The following CHD1L variants were observed in gnomAD, a reference collection of about 807,000 sequenced individuals.
CHD1L encodes chromodomain helicase DNA binding protein 1 like.
In CHD1L, 118 loss-of-function variants were observed where a neutral mutation model predicts 115.9. The ratio of observed to expected loss-of-function variants is 1.02; its 90% CI spans 0.88 to 1.19. The LOEUF is 1.19. Ranked by LOEUF, CHD1L falls within the 50% of genes most tolerant of loss-of-function variation. The pLI, the probability that CHD1L is intolerant of heterozygous loss-of-function variation, is 0.00. For synonymous variants in CHD1L, 411 were observed against 387.1 expected (o/e 1.06, Z -0.72); for missense variants, 1,179 against 1,065.3 (o/e 1.11, Z -1.49).
the CHD1L span, among the ~76,000 whole-genome samples, chr1:147,205,598 C>T: frequency 6.6e-6 from 1 of 152,146 alleles, no homozygotes. Flanking sequence ...ACAGAGCCCT[C>T]AGAAATAATA....
At chr1:147,236,080 G>A in the CHD1L span, among the ~76,000 whole-genome samples, 3 of 152,184 alleles carry the variant, frequency 2.0e-5, no homozygotes, top group African/African-American at 7.2e-5. Context: ...CATGCCAGCT[G>A]TGGCAAGGCA....
the CHD1L span, chr1:147,211,132 C>A: frequency 6.6e-6 from 1 of 152,132 alleles, no homozygotes; most frequent in Admixed American, 6.5e-5. Flanking sequence ...TGCATTTTCC[C>A]AGGCTTTCTC....
chr1:147,286,177 G>T, intron 17 of CHD1L, 121 bp from the exon 18 acceptor site: 1 of 925,432 alleles, frequency 1.1e-6, no homozygotes, highest in Non-Finnish European at 1.6e-6. Context: ...CTTCAATCAG[G>T]GTGAGTTTCT....
chr1:147,291,586 G>C (rs1685547748), intron 20 of CHD1L, 34 bp downstream of exon 20: 1 of 1,558,974 alleles, frequency 6.4e-7, no homozygotes, highest in African/African-American at 1.4e-5. Flanking sequence ...AGAACTACAA[G>C]TGGACTCACA....
the CHD1L span, chr1:147,175,027 T>A: frequency 2.0e-5 from 3 of 152,120 alleles, no homozygotes; most frequent in African/African-American, 7.2e-5. Flanking sequence ...GAATGAAGGA[T>A]TGATTTTACA....
At chr1:147,197,770 G>C in the CHD1L span, among the ~76,000 whole-genome samples, 1 of 152,170 alleles carries the variant, frequency 6.6e-6, no homozygotes, top group Non-Finnish European at 1.5e-5. Context: ...AGCAGCATGA[G>C]AATGGGCTAA....
At chr1:147,256,439 C>G in intron 4 of CHD1L, 92 bp from the exon 5 acceptor site, 1 of 1,122,810 alleles carries the variant, frequency 8.9e-7, no homozygotes, top group Non-Finnish European at 1.3e-6. Context: ...TTAGATAAAT[C>G]CTATAGTTTA....
At chr1:147,265,691 T>TGCA (rs1426042668) in intron 7 of CHD1L, among the ~76,000 whole-genome samples, 5 of 152,152 alleles carry the variant, frequency 3.3e-5, no homozygotes, top group Non-Finnish European at 7.3e-5. Context: ...AACAGCTTTG[T>TGCA]GCAAATGAGA....
rs1683723539 is a variant in CHD1L, at chr1:147,287,638, A to G, written c.2225A>G (p.Asp742Gly). The change falls in exon 19 of 23, where the codon GAC (aspartate) becomes GGC (glycine). Residue 742 changes from aspartate to glycine, a missense_variant. By Grantham distance (94) the Asp-to-Gly change is moderately conservative. Transcript: ENST00000369258. ...EDALIVHCVD[D>G]SGHWGRGGLF... Reference sequence around the variant, plus strand: ...AATTTTCTCTTTCTTCAAACAGATGACTCTGGCCACTGGGGCAGAGGTGGT... The same window carrying G: ...AATTTTCTCTTTCTTCAAACAGATGGCTCTGGCCACTGGGGCAGAGGTGGT... 1.2e-6 allele frequency: 2 copies of G among 1,613,080 alleles called. No homozygotes were observed. Among genetic ancestry groups the G allele is most frequent in the African/African-American group, 1.3e-5 (1 of 74,806 alleles).
chr1:147,260,145 C>G (rs1671442102), intron 6 of CHD1L: 1 of 391,418 alleles, frequency 2.6e-6, no homozygotes, highest in Admixed American at 3.8e-5. Context: ...ACTGATGAAC[C>G]TACATTGATA....
chr1:147,255,723 A>G (rs782578839), intron 3 of CHD1L, 90 bp from the exon 4 acceptor site: 48 of 856,116 alleles, frequency 5.6e-5, no homozygotes, highest in Non-Finnish European at 7.7e-5. Context: ...GTACATTGCA[A>G]TCCTCCCATG....
chr1:147,224,606 T>C, the CHD1L span, among the ~76,000 whole-genome samples: 1 of 151,938 alleles, frequency 6.6e-6, no homozygotes, highest in African/African-American at 2.4e-5. Flanking sequence ...GCCTCCCAAG[T>C]TCACCCCATC....
chr1:147,187,081 C>T, the CHD1L span: 99 of 1,614,060 alleles, frequency 6.1e-5, no homozygotes, highest in East Asian at 6.7e-4. Flanking sequence ...GCCCTGTACA[C>T]GATAGTGGAT....
chr1:147,187,346 T>A, the CHD1L span: 1 of 780,466 alleles, frequency 1.3e-6, no homozygotes, highest in Non-Finnish European at 2.0e-6. Context: ...AATATCAGAC[T>A]AGGAGCTGTG....
the CHD1L span, among the ~76,000 whole-genome samples, chr1:147,220,159 A>G: frequency 6.6e-6 from 1 of 152,138 alleles, no homozygotes; most frequent in East Asian, 1.9e-4. Context: ...TATATACTAG[A>G]ATGAACAACT....
chr1:147,190,697 T>A, the CHD1L span, among the ~76,000 whole-genome samples: 1 of 152,142 alleles, frequency 6.6e-6, no homozygotes, highest in Non-Finnish European at 1.5e-5. Flanking sequence ...GTTTTTATTA[T>A]TATACCTTAA....
At chr1:147,260,587 C>T (rs1207285428) in intron 6 of CHD1L, 2 of 152,156 alleles carry the variant, frequency 1.3e-5, no homozygotes, top group Non-Finnish European at 2.9e-5. Flanking sequence ...AACAATTTCT[C>T]TTAAAAAATC....
chr1:147,272,797 G>A (rs1278532445), intron 12 of CHD1L, among the ~76,000 whole-genome samples: 4 of 150,994 alleles, frequency 2.6e-5, no homozygotes, highest in Admixed American at 6.6e-5. Context: ...TGAATATTAC[G>A]ACATTTGTAA....
At chr1:147,195,160 T>A in the CHD1L span, among the ~76,000 whole-genome samples, 22 of 152,132 alleles carry the variant, frequency 1.4e-4, no homozygotes, top group African/African-American at 5.3e-4. Flanking sequence ...CGACGTAGAT[T>A]TGGTCTTTTC....
Sources: gnomAD v4.1 joint callset for allele counts (sites outside exome capture counted in the v4.1 genomes callset) on GRCh38, gnomAD v4.1.1 for gene constraint, MANE v1.5 for transcripts, NCBI Gene and HGNC (gene_info 2026-07-23, HGNC 2026-07-21) for gene names.